Variants in ADAMTSL1 observed in about 807,000 individuals in gnomAD.
The protein encoded by ADAMTSL1 is ADAMTS-like protein 1.
Under a neutral mutation model 201.8 loss-of-function variants are expected in ADAMTSL1, and 126 were observed. The ratio of observed to expected loss-of-function variants is 0.62; its 90% CI spans 0.54 to 0.72. The LOEUF is 0.72. ADAMTSL1 is among the 30% of genes least tolerant of loss of function. The probability of loss-of-function intolerance (pLI) is 0.00; values close to 1 mark genes in which losing one functional copy is unlikely to be tolerated. For synonymous variants in ADAMTSL1, 1,121 were observed against 903.4 expected (o/e 1.24, Z -4.32); for missense variants, 2,679 against 2,277.8 (o/e 1.18, Z -3.59).
At chr9:18,844,387 C>G (rs1825945347) in intron 23 of ADAMTSL1, among the ~76,000 whole-genome samples, 1 of 152,160 alleles carries the variant, frequency 6.6e-6, no homozygotes, top group Non-Finnish European at 1.5e-5. Context: ...TCTGATCGTT[C>G]CTCTGAAAGT....
chr9:18,827,223 A>C (rs2077707), intron 22 of ADAMTSL1, among the ~76,000 whole-genome samples: 115,550 of 151,148 alleles, frequency 0.76, 44,359 homozygotes, highest in Non-Finnish European at 0.79. Flanking sequence ...TAGAGCACTT[A>C]TGCTCTAATT....
chr9:18,107,588 G>C (rs189467315), intron 1 of ADAMTSL1, among the ~76,000 whole-genome samples: 1 of 152,064 alleles, frequency 6.6e-6, no homozygotes. Flanking sequence ...GACTTGAAAA[G>C]GATATGGACT....
chr9:18,504,340 A>G (rs1263331109), intron 1 of ADAMTSL1, among the ~76,000 whole-genome samples: 1 of 152,216 alleles, frequency 6.6e-6, no homozygotes, highest in Admixed American at 6.5e-5. Context: ...TCCAACGAGC[A>G]CATCTGAAAA....
chr9:18,343,538 T>C (rs985526398), intron 2 of ADAMTSL1, among the ~76,000 whole-genome samples: 3 of 152,190 alleles, frequency 2.0e-5, no homozygotes, highest in Non-Finnish European at 4.4e-5. Context: ...CTAGGGAATA[T>C]ATTTGTGTCA....
At chr9:18,820,956 G>A (rs1264830843) in intron 21 of ADAMTSL1, among the ~76,000 whole-genome samples, 1 of 152,304 alleles carries the variant, frequency 6.6e-6, no homozygotes, top group African/African-American at 2.4e-5. Context: ...GTAAAACCTG[G>A]CTGGTGGTGT....
At chr9:18,698,673 A>T (rs1831719158) in intron 13 of ADAMTSL1, among the ~76,000 whole-genome samples, 1 of 152,208 alleles carries the variant, frequency 6.6e-6, no homozygotes, top group Admixed American at 6.5e-5. Context: ...AGAGAAGAAA[A>T]CCAAGAGAGT....
At chr9:18,050,517 T>C (rs756930042) in intron 1 of ADAMTSL1, among the ~76,000 whole-genome samples, 1 of 152,226 alleles carries the variant, frequency 6.6e-6, no homozygotes, top group Non-Finnish European at 1.5e-5. Flanking sequence ...TGCTTCCATA[T>C]TGAAAGTATC....
intron 1 of ADAMTSL1, among the ~76,000 whole-genome samples, chr9:17,948,215 G>A (rs1028726999): frequency 2.0e-5 from 3 of 152,050 alleles, no homozygotes; most frequent in African/African-American, 7.2e-5. Flanking sequence ...ATAGCTTTCC[G>A]CCACAATATA....
At chr9:18,802,969 A>T (rs1822893741) in intron 20 of ADAMTSL1, among the ~76,000 whole-genome samples, 1 of 152,218 alleles carries the variant, frequency 6.6e-6, no homozygotes, top group Non-Finnish European at 1.5e-5. Flanking sequence ...GATGTCAGGC[A>T]TCTTATGTGT....
chr9:18,826,516 C>T (rs777669826), intron 22 of ADAMTSL1, 53 bp downstream of exon 22: 232 of 1,559,820 alleles, frequency 1.5e-4, no homozygotes, highest in Non-Finnish European at 2.0e-4. Flanking sequence ...GAGTGACTAT[C>T]TAACCCACCC....
At chr9:18,377,669 A>G (rs939489744) in intron 2 of ADAMTSL1, among the ~76,000 whole-genome samples, 1 of 152,120 alleles carries the variant, frequency 6.6e-6, no homozygotes, top group Non-Finnish European at 1.5e-5. Flanking sequence ...TCCTGGGTTC[A>G]AGCAATTCTG....
At chr9:18,203,501 C>T (rs1829531252) in intron 2 of ADAMTSL1, among the ~76,000 whole-genome samples, 1 of 150,936 alleles carries the variant, frequency 6.6e-6, no homozygotes, top group South Asian at 2.1e-4. Flanking sequence ...AGCCTAGGCT[C>T]AGGATAGATA....
intron 1 of ADAMTSL1, among the ~76,000 whole-genome samples, chr9:18,002,438 T>A (rs1341431707): frequency 6.6e-6 from 1 of 152,058 alleles, no homozygotes; most frequent in East Asian, 1.9e-4. Flanking sequence ...TGATAGATAG[T>A]GTAATATATG....
intron 2 of ADAMTSL1, among the ~76,000 whole-genome samples, chr9:18,393,799 AC>A (rs1817633546): frequency 6.6e-6 from 1 of 152,118 alleles, no homozygotes; most frequent in African/African-American, 2.4e-5. Flanking sequence ...CCATCCCACA[AC>A]CTTGAAGGAA....
intron 2 of ADAMTSL1, among the ~76,000 whole-genome samples, chr9:18,330,996 G>T (rs1290223875): frequency 6.6e-6 from 1 of 152,172 alleles, no homozygotes; most frequent in African/African-American, 2.4e-5. Context: ...TGACTATGAA[G>T]TAATTCAGCC....
chr9:18,656,177 C>A (rs1324345423), intron 7 of ADAMTSL1, among the ~76,000 whole-genome samples: 4 of 151,956 alleles, frequency 2.6e-5, no homozygotes, highest in Non-Finnish European at 5.9e-5. Context: ...TAGCATCCAT[C>A]ACTTTTTCTT....
chr9:17,931,139 C>T (rs796475880), intron 1 of ADAMTSL1, among the ~76,000 whole-genome samples: 2 of 152,080 alleles, frequency 1.3e-5, no homozygotes, highest in South Asian at 4.1e-4. Flanking sequence ...TACAACAAGG[C>T]AATTGTAACC....
chr9:18,444,977 AAGTC>A (rs1232195360), intron 2 of ADAMTSL1, among the ~76,000 whole-genome samples: 1 of 152,140 alleles, frequency 6.6e-6, no homozygotes, highest in African/African-American at 2.4e-5. Flanking sequence ...AGAAAACTGA[AAGTC>A]AGAGAGTTTA....
chr9:18,471,805 G>C (rs536844431), upstream of ADAMTSL1, among the ~76,000 whole-genome samples: 3 of 152,252 alleles, frequency 2.0e-5, no homozygotes, highest in South Asian at 6.2e-4. Context: ...TCATTGAGAT[G>C]ACCATCTTGC....
Sources: gnomAD v4.1 joint callset for allele counts (sites outside exome capture counted in the v4.1 genomes callset) on GRCh38, gnomAD v4.1.1 for gene constraint, MANE v1.5 for transcripts, NCBI Gene and HGNC (gene_info 2026-07-23, HGNC 2026-07-21) for gene names.